The following TGFBR3 variants were observed in gnomAD, a reference collection of about 807,000 sequenced individuals.
TGFBR3 encodes transforming growth factor beta receptor type 3.
A neutral mutation model predicts 87.9 loss-of-function variants in TGFBR3; 46 were observed. The observed-to-expected ratio is 0.52, with a 90% CI of 0.41 to 0.67. The LOEUF is 0.67. Among genes scored for constraint, TGFBR3 ranks in the 30% least tolerant of loss-of-function variants. The probability of loss-of-function intolerance (pLI) is 0.00; values close to 1 mark genes in which losing one functional copy is unlikely to be tolerated. For synonymous variants in TGFBR3, 381 were observed against 391.6 expected (o/e 0.97, Z 0.32); for missense variants, 866 against 1,041.9 (o/e 0.83, Z 2.32).
chr1:91,873,282 C>CCTTTTT (rs1678658706), intron 1 of TGFBR3, among the ~76,000 whole-genome samples: 1 of 100,948 alleles, frequency 9.9e-6, no homozygotes, highest in African/African-American at 3.7e-5. Flanking sequence ...ATTTTCCCTT[C>CCTTTTT]TTTTTTTTTT....
intron 4 of TGFBR3, among the ~76,000 whole-genome samples, chr1:91,738,939 A>G (rs945202541): frequency 1.3e-5 from 2 of 152,208 alleles, no homozygotes; most frequent in African/African-American, 2.4e-5. Flanking sequence ...AAAGGAGACG[A>G]AAGAACAAAC....
In TGFBR3 at chr1:91,681,615, A is replaced by G. The variant is rs1670912687; in HGVS notation, c.*2124T>C. The G allele has an allele frequency of 2.5e-6, 1 of 401,878 alleles. No individual in the cohort carries two copies. Among genetic ancestry groups the G allele is most frequent in the Admixed American group, 3.4e-5 (1 of 29,702 alleles). 24.9% of individuals were successfully genotyped at this position (401,878 alleles called of 1,614,324 possible). A position where few individuals can be genotyped will look rare whatever the true frequency, so the allele number is the denominator to read the frequency against. On this transcript the variant is annotated 3_prime_UTR_variant, in exon 17 of 17. Transcript: ENST00000212355. ...AACACGATGGAAAAGATTTTTTAAAAAAGCAAAGGACTGATCGAAAGAATT... is the reference window on the plus strand; with the variant it reads ...AACACGATGGAAAAGATTTTTTAAAGAAGCAAAGGACTGATCGAAAGAATT...
upstream of TGFBR3, among the ~76,000 whole-genome samples, chr1:91,887,065 A>T (rs984238831): frequency 8.3e-4 from 127 of 152,120 alleles, no homozygotes; most frequent in African/African-American, 3.0e-3. Flanking sequence ...TTTTACAAAC[A>T]GGCAGGTGAA....
At chr1:91,903,535 A>C (rs1437544616) in intron 1 of TGFBR3, among the ~76,000 whole-genome samples, 1 of 151,504 alleles carries the variant, frequency 6.6e-6, no homozygotes, top group Admixed American at 6.6e-5. Flanking sequence ...TTGAGCCCAG[A>C]AGTTCAAGAC....
chr1:91,904,045 C>T (rs1360348246), intron 1 of TGFBR3, among the ~76,000 whole-genome samples: 1 of 151,930 alleles, frequency 6.6e-6, no homozygotes, highest in African/African-American at 2.4e-5. Context: ...GGCCTGGTGG[C>T]GCGTTCCTAT....
chr1:91,892,839 G>A (rs868761114), intron 2 of TGFBR3, among the ~76,000 whole-genome samples: 2 of 152,274 alleles, frequency 1.3e-5, no homozygotes, highest in African/African-American at 2.4e-5. Context: ...ATTACTATTC[G>A]TTTTGAGTTG....
intron 2 of TGFBR3, among the ~76,000 whole-genome samples, chr1:91,811,098 C>T (rs961279950): frequency 3.9e-5 from 6 of 152,110 alleles, no homozygotes; most frequent in African/African-American, 1.2e-4. Flanking sequence ...ATTGTTTGAG[C>T]CCATAAGTTT....
intron 3 of TGFBR3, among the ~76,000 whole-genome samples, chr1:91,794,181 G>T (rs539247366): frequency 9.6e-5 from 14 of 145,966 alleles, no homozygotes; most frequent in African/African-American, 3.4e-4. Context: ...TAAAATTTTA[G>T]AACATTTTTG....
chr1:91,902,624 T>C lies in TGFBR3; in HGVS notation c.-174-2927A>G, dbSNP rs374841846. 2.2e-4 allele frequency among the ~76,000 whole-genome samples: 34 copies of C among 151,898 alleles called. No homozygotes were observed. In the East Asian group the frequency reaches 5.6e-3, roughly 25 times the overall value. On this transcript the variant is annotated intron_variant, in intron 1 of 17. Coordinates refer to the TGFBR3 transcript ENST00000370399. The stretch of plus-strand genomic sequence containing the variant: ...TTTTTTCTTTTCTTTCTTTTTTTTT[T>C]CTCACATCTTTTTAGGTCTCTGAAC...
chr1:91,733,151 C>A lies in TGFBR3; in HGVS notation c.568+1625G>T, dbSNP rs796749967. 3.3e-5 allele frequency among the ~76,000 whole-genome samples: 5 copies of A among 152,324 alleles called. 1 individual carries two copies. The highest frequency in any genetic ancestry group is 1.2e-4 in the African/African-American group (5 of 41,576). ...TGAGCCCAGCCCTCCTCTAAGTCCCCTTCTCTCTGCCTCAACTAAACAAGG... is the reference window on the plus strand; with the variant it reads ...TGAGCCCAGCCCTCCTCTAAGTCCCATTCTCTCTGCCTCAACTAAACAAGG... On this transcript the variant is annotated intron_variant, in intron 5 of 16. Coordinates refer to ENST00000212355, the MANE Select transcript of TGFBR3 (RefSeq NM_003243.5).
rs772550023 is a variant in TGFBR3 at position 91,683,179 on chromosome 1, C to G, written c.*560G>C. 7 of 454,452 alleles carry G rather than the reference C, an allele frequency of 1.5e-5. No individual in the cohort carries two copies. The highest frequency in any genetic ancestry group is 1.4e-4 in the African/African-American group (7 of 50,002). The allele number at this position is 454,452 out of a possible 1,614,324, so 28.2% of individuals were successfully genotyped here. ...GGGCAGCACCCATCAAGGGACACATCAGACCCCACAGGTTGTGGCAGCAAG... is the reference window on the plus strand; with the variant it reads ...GGGCAGCACCCATCAAGGGACACATGAGACCCCACAGGTTGTGGCAGCAAG... On this transcript the variant is annotated 3_prime_UTR_variant, in exon 17 of 17. Coordinates refer to ENST00000212355, the MANE Select transcript of TGFBR3 (RefSeq NM_003243.5).
At chr1:91,813,240 T>C (rs1278197294) in intron 2 of TGFBR3, among the ~76,000 whole-genome samples, 2 of 152,216 alleles carry the variant, frequency 1.3e-5, no homozygotes, top group East Asian at 3.9e-4. Context: ...TAATCTAATT[T>C]GAATGGCAAA....
chr1:91,769,911 G>T (rs1372774012), intron 3 of TGFBR3, among the ~76,000 whole-genome samples: 2 of 152,192 alleles, frequency 1.3e-5, no homozygotes, highest in Non-Finnish European at 2.9e-5. Context: ...AGCAATTTGT[G>T]CTCTGTGAAA....
chr1:91,769,460 C>G (rs1263325046), intron 3 of TGFBR3, among the ~76,000 whole-genome samples: 2 of 151,998 alleles, frequency 1.3e-5, no homozygotes, highest in Non-Finnish European at 2.9e-5. Flanking sequence ...CCCCTTTGCC[C>G]CCACTCTCTT....
chr1:91,897,133 C>A (rs573356280), intron 2 of TGFBR3, among the ~76,000 whole-genome samples: 1 of 152,262 alleles, frequency 6.6e-6, no homozygotes, highest in African/African-American at 2.4e-5. Flanking sequence ...TACTAACTGG[C>A]ATTTCAGTTT....
chr1:91,802,976 A>G (rs1675693068), intron 2 of TGFBR3, among the ~76,000 whole-genome samples: 1 of 152,094 alleles, frequency 6.6e-6, no homozygotes, highest in East Asian at 1.9e-4. Context: ...TGATTACTGC[A>G]AGATGCTCTT....
intron 2 of TGFBR3, among the ~76,000 whole-genome samples, chr1:91,853,090 T>C (rs558378189): frequency 1.3e-5 from 2 of 150,766 alleles, no homozygotes; most frequent in East Asian, 3.9e-4. Context: ...ACCTGGGAGG[T>C]CGAGGCTGCA....
intron 2 of TGFBR3, among the ~76,000 whole-genome samples, chr1:91,848,117 A>T (rs1677576037): frequency 6.6e-6 from 1 of 152,162 alleles, no homozygotes; most frequent in Non-Finnish European, 1.5e-5. Context: ...TGACCCAAAC[A>T]AGTTTACCAA....
At position 91,722,088 on chromosome 1, in the gene TGFBR3, T is replaced by C. The variant is rs1318563414; in HGVS notation, c.942A>G (p.Lys314=). The change falls in exon 8 of 17, where the codon AAA becomes AAG. Residue 314 remains lysine, a synonymous_variant. Transcript: ENST00000212355. ...KESERSMTMT[K]SIRDDIPSTQ... is the part of the protein sequence containing the mutation. ...TTGAAGGAATGTCATCTCTTATTGA[T>C]TTGGTCATTGTCATAGATCTTTCAC... The C allele has an allele frequency of 6.2e-7, 1 of 1,613,982 alleles. No individual in the cohort carries two copies. The highest frequency in any genetic ancestry group is 1.7e-4 in the Middle Eastern group (1 of 6,060).
Sources: gnomAD v4.1 joint callset for allele counts (sites outside exome capture counted in the v4.1 genomes callset) on GRCh38, gnomAD v4.1.1 for gene constraint, MANE v1.5 for transcripts, NCBI Gene and HGNC (gene_info 2026-07-23, HGNC 2026-07-21) for gene names.